Variants in IQSEC1 observed in about 807,000 individuals in gnomAD.
The protein encoded by IQSEC1 is IQ motif and Sec7 domain ArfGEF 1, also known as IQ motif and SEC7 domain-containing protein 1.
Under a neutral mutation model 91.0 loss-of-function variants are expected in IQSEC1, and 31 were observed. The ratio of observed to expected loss-of-function variants is 0.34; its 90% CI spans 0.26 to 0.46. IQSEC1 has a LOEUF of 0.46. Ranked by LOEUF, IQSEC1 falls within the 20% of genes least tolerant of loss-of-function variation. The pLI is 1.00. For synonymous variants in IQSEC1, 699 were observed against 662.6 expected (o/e 1.05, Z -0.84); for missense variants, 1,388 against 1,575.6 (o/e 0.88, Z 2.02).
At chr3:13,121,940 T>C in intron 2 of IQSEC1, among the ~76,000 whole-genome samples, 1 of 152,230 alleles carries the variant, frequency 6.6e-6, no homozygotes, top group Admixed American at 6.5e-5. Context: ...GGGACCTTCA[T>C]CCAGATTAAA....
Position 13,100,408 on chromosome 3 carries a change from T to C in IQSEC1, c.303-52886A>G, listed in dbSNP as rs999534719. Among the ~76,000 whole-genome samples the C allele has an allele frequency of 2.0e-5, 3 of 148,774 alleles. 1 individual carries two copies. Among genetic ancestry groups the C allele is most frequent in the Non-Finnish European group, 3.0e-5 (2 of 67,156 alleles). On this transcript the variant is annotated intron_variant, in intron 2 of 15. Coordinates refer to the IQSEC1 transcript ENST00000648114. ...ATCCTCAAGTGCCTAACCCCTTGTATGAAGAAGTTACTCTCTCTGCTGGGG... is the reference window on the plus strand; with the variant it reads ...ATCCTCAAGTGCCTAACCCCTTGTACGAAGAAGTTACTCTCTCTGCTGGGG...
intron 1 of IQSEC1, among the ~76,000 whole-genome samples, chr3:12,946,509 T>C (rs1699192830): frequency 6.6e-6 from 1 of 152,218 alleles, no homozygotes; most frequent in South Asian, 2.1e-4. Flanking sequence ...AAGACCAATG[T>C]GTGCAGCAGT....
chr3:12,905,748 C>T (rs781671241), intron 12 of IQSEC1, among the ~76,000 whole-genome samples: 13 of 152,248 alleles, frequency 8.5e-5, no homozygotes, highest in African/African-American at 2.2e-4. Context: ...TCCCCTGTAA[C>T]GGGACATGGA....
chr3:13,240,283 A>G (rs1207438447), intron 1 of IQSEC1, among the ~76,000 whole-genome samples: 2 of 152,222 alleles, frequency 1.3e-5, no homozygotes, highest in Admixed American at 6.5e-5. Flanking sequence ...GGTACTCAGG[A>G]GGCTGAGGAG....
chr3:12,906,355 G>C (rs553088693), intron 12 of IQSEC1, among the ~76,000 whole-genome samples: 1 of 152,314 alleles, frequency 6.6e-6, no homozygotes, highest in South Asian at 2.1e-4. Context: ...ATCTGGTCCA[G>C]AGCACATCTG....
rs1195656531 is a variant in IQSEC1 at position 12,992,214 on chromosome 3, C to T, written c.24-50349G>A. On this transcript the variant is annotated intron_variant, in intron 1 of 13. Transcript: ENST00000613206. The surrounding 1 kb of genome is among the most constrained non-coding windows in gnomAD (Gnocchi z 4.1). The stretch of plus-strand genomic sequence containing the variant: ...TGGACATGTCCCTGCCTCTCTCTGG[C>T]CTCAGTTCTCCATCTCTAACACAGT... 6.6e-6 allele frequency among the ~76,000 whole-genome samples: 1 copy of T among 152,222 alleles called. No individual in the cohort carries two copies. Among genetic ancestry groups the T allele is most frequent in the East Asian group, 1.9e-4 (1 of 5,162 alleles).
chr3:13,052,342 G>A (rs911301675), intron 1 of IQSEC1, among the ~76,000 whole-genome samples: 10 of 152,214 alleles, frequency 6.6e-5, no homozygotes, highest in African/African-American at 1.9e-4. Flanking sequence ...TCAGCCCCAT[G>A]CCCTCTGCAT....
At chr3:13,273,034 A>T (rs1320806357) in intron 1 of IQSEC1, among the ~76,000 whole-genome samples, 1 of 152,218 alleles carries the variant, frequency 6.6e-6, no homozygotes, top group Non-Finnish European at 1.5e-5. Context: ...CTCTGTGCAC[A>T]GTTACATACA....
intron 1 of IQSEC1, among the ~76,000 whole-genome samples, chr3:13,034,021 C>T (rs1013524394): frequency 6.6e-6 from 1 of 152,190 alleles, no homozygotes; most frequent in East Asian, 1.9e-4. Flanking sequence ...TGCATTAGGG[C>T]CCACCCTAAT....
intron 1 of IQSEC1, among the ~76,000 whole-genome samples, chr3:12,990,533 A>G (rs998711746): frequency 1.3e-5 from 2 of 152,218 alleles, no homozygotes; most frequent in Non-Finnish European, 2.9e-5. Flanking sequence ...GGTAAGGCCC[A>G]AGCTGTGTGT....
intron 1 of IQSEC1, among the ~76,000 whole-genome samples, chr3:13,020,842 T>C (rs1703364770): frequency 6.6e-6 from 1 of 152,184 alleles, no homozygotes; most frequent in Non-Finnish European, 1.5e-5. Context: ...CTTCTGATGT[T>C]TTTTATTAAC....
chr3:13,215,567 C>T (rs1170846382), intron 1 of IQSEC1, among the ~76,000 whole-genome samples: 1 of 152,188 alleles, frequency 6.6e-6, no homozygotes, highest in Non-Finnish European at 1.5e-5. Context: ...TGATAAACGC[C>T]TCTTTGGTCC....
At chr3:13,221,628 C>T (rs879759671) in intron 1 of IQSEC1, among the ~76,000 whole-genome samples, 1 of 152,198 alleles carries the variant, frequency 6.6e-6, no homozygotes, top group Non-Finnish European at 1.5e-5. Flanking sequence ...CCCAGGGCCC[C>T]AGGAACAGAC....
intron 1 of IQSEC1, among the ~76,000 whole-genome samples, chr3:13,175,838 C>G (rs1285093430): frequency 6.6e-6 from 1 of 152,196 alleles, no homozygotes; most frequent in Non-Finnish European, 1.5e-5. Context: ...GCTGGCTCAC[C>G]TCTCGGGTCC....
chr3:13,086,679 G>A (rs1418391276), intron 2 of IQSEC1, among the ~76,000 whole-genome samples: 8 of 152,138 alleles, frequency 5.3e-5, no homozygotes, highest in Non-Finnish European at 1.2e-4. Context: ...TCCTGCCTCA[G>A]GGCCTTTGCA....
intron 1 of IQSEC1, among the ~76,000 whole-genome samples, chr3:12,957,574 C>T (rs1215260720): frequency 5.3e-5 from 8 of 152,220 alleles, no homozygotes; most frequent in South Asian, 2.1e-4. Flanking sequence ...CCAGGGACAC[C>T]CCAGGAGAGC....
intron 2 of IQSEC1, among the ~76,000 whole-genome samples, chr3:13,085,783 C>T (rs1362619941): frequency 2.0e-5 from 3 of 152,372 alleles, no homozygotes; most frequent in East Asian, 1.9e-4. Flanking sequence ...TGAGACTCGT[C>T]GCTGGCCTGA....
intron 1 of IQSEC1, among the ~76,000 whole-genome samples, chr3:13,184,526 T>G (rs1693898578): frequency 6.6e-6 from 1 of 152,152 alleles, no homozygotes; most frequent in South Asian, 2.1e-4. Context: ...TGTTTTCCCC[T>G]AAGATCGAGA....
chr3:13,206,277 T>C (rs1694343518), intron 1 of IQSEC1, among the ~76,000 whole-genome samples: 1 of 151,078 alleles, frequency 6.6e-6, no homozygotes, highest in African/African-American at 2.4e-5. Context: ...ATTTCAGGCA[T>C]CTACTAGGGG....
Sources: allele counts gnomAD v4.1 joint callset (sites outside exome capture counted in the v4.1 genomes callset), GRCh38; gene constraint gnomAD v4.1.1; non-coding constraint Gnocchi (gnomAD v3.1); transcripts MANE v1.5; gene names NCBI Gene and HGNC (gene_info 2026-07-23, HGNC 2026-07-21).